The following ATP8B1 variants were observed in gnomAD, a reference collection of about 807,000 sequenced individuals.
ATP8B1 encodes the protein ATPase phospholipid transporting 8B1.
ATP8B1 carries 80 observed loss-of-function variants against 149.9 expected under a neutral mutation model. The ratio of observed to expected loss-of-function variants is 0.53; its 90% confidence interval spans 0.45 to 0.64. ATP8B1 has a LOEUF of 0.64. Among genes scored for constraint, ATP8B1 ranks in the 30% least tolerant of loss-of-function variants. The pLI, the probability that ATP8B1 is intolerant of heterozygous loss-of-function variation, is 0.00. For missense variants in ATP8B1, 1,247 were observed against 1,552.6 expected (o/e 0.80, Z 3.31); for synonymous variants, 536 against 562.8 (o/e 0.95, Z 0.67).
intron 1 of ATP8B1, among the ~76,000 whole-genome samples, chr18:57,780,003 C>G (rs2080343972): frequency 6.6e-6 from 1 of 151,968 alleles, no homozygotes; most frequent in African/African-American, 2.4e-5. Flanking sequence ...TTATAAATCA[C>G]CACGGCATAT....
chr18:57,715,625 G>T (rs1018206455), intron 2 of ATP8B1, among the ~76,000 whole-genome samples: 3 of 152,142 alleles, frequency 2.0e-5, no homozygotes, highest in Admixed American at 1.3e-4. Flanking sequence ...AGCAGCAAAA[G>T]AAAAGAAACA....
intron 2 of ATP8B1, among the ~76,000 whole-genome samples, chr18:57,730,293 G>T (rs2079748875): frequency 6.6e-6 from 1 of 152,188 alleles, no homozygotes. Flanking sequence ...AGGGCAGAAT[G>T]GCAGTAACAG....
chr18:57,745,423 C>T (rs897874204), intron 1 of ATP8B1, among the ~76,000 whole-genome samples: 66 of 152,064 alleles, frequency 4.3e-4, no homozygotes, highest in Non-Finnish European at 8.8e-5. Context: ...AGGCATGCAC[C>T]ACCATGCTCG....
chr18:57,734,144 C>T lies in ATP8B1; in HGVS notation c.-25-2312G>A, dbSNP rs368789910. 1.6e-4 allele frequency: 25 copies of T among 152,260 alleles called. No individual in the cohort carries two copies. In the East Asian group the frequency reaches 4.8e-3, roughly 29 times the overall value. The allele number at this position is 152,260 out of a possible 1,614,324, so 9.4% of individuals were successfully genotyped here. ...TAGAATACACCCAGTTATTCACACACACACTTGTTCATTTTCCAAAATTTC... is the reference window on the plus strand; with the variant it reads ...TAGAATACACCCAGTTATTCACACATACACTTGTTCATTTTCCAAAATTTC... On this transcript the variant is annotated intron_variant, in intron 1 of 27. Transcript: ENST00000648908.
At chr18:57,717,473 G>A (rs537483138) in intron 2 of ATP8B1, among the ~76,000 whole-genome samples, 8 of 126,984 alleles carry the variant, frequency 6.3e-5, no homozygotes, top group African/African-American at 8.8e-5. Flanking sequence ...GCATGAACCC[G>A]GGAGGCGGAG....
chr18:57,660,369 AATG>A (rs1910311861), intron 22 of ATP8B1, among the ~76,000 whole-genome samples: 2 of 152,336 alleles, frequency 1.3e-5, no homozygotes, highest in South Asian at 4.1e-4. Flanking sequence ...CAGGTGACCC[AATG>A]ATGAAGTTCC....
chr18:57,673,975 C>T (rs999324734), intron 16 of ATP8B1, among the ~76,000 whole-genome samples: 6 of 151,972 alleles, frequency 3.9e-5, no homozygotes, highest in African/African-American at 1.4e-4. Context: ...CAGAAGAGAG[C>T]ACTCAGAGGT....
chr18:57,774,793 G>A (rs2080293076), intron 1 of ATP8B1, among the ~76,000 whole-genome samples: 2 of 152,074 alleles, frequency 1.3e-5, no homozygotes. Flanking sequence ...GAGTCACCTG[G>A]ACAAAATAGT....
chr18:57,661,573 A>G (rs1338329847), intron 21 of ATP8B1, 111 bp from the exon 22 acceptor site: 4 of 1,149,452 alleles, frequency 3.5e-6, no homozygotes, highest in Non-Finnish European at 4.9e-6. Flanking sequence ...GTCACTGATT[A>G]TATTTGACAA....
Position 57,676,319 on chromosome 18 carries a change from G to A in ATP8B1, c.1631-1297C>T, listed in dbSNP as rs532708129. ...TGGGACTATAGGCGCACATCACCACGCCCAGCTAATGTTTGTATTTTTTGT... is the reference window on the plus strand; with the variant it reads ...TGGGACTATAGGCGCACATCACCACACCCAGCTAATGTTTGTATTTTTTGT... On this transcript the variant is annotated intron_variant, in intron 15 of 27. Transcript: ENST00000648908. Among the ~76,000 whole-genome samples, 10 of 151,096 alleles carry A rather than the reference G, an allele frequency of 6.6e-5. No homozygotes were observed. In the South Asian group the frequency reaches 1.7e-3, roughly 25 times the overall value.
At chr18:57,726,226 C>CAAACAA (rs77845076) in intron 2 of ATP8B1, among the ~76,000 whole-genome samples, 3,113 of 151,580 alleles carry the variant, frequency 0.021, 99 homozygotes, top group African/African-American at 0.07. Flanking sequence ...GACTCTGCCT[C>CAAACAA]AAACAAAAAC....
chr18:57,769,593 C>T (rs2080248153), intron 1 of ATP8B1, among the ~76,000 whole-genome samples: 1 of 152,170 alleles, frequency 6.6e-6, no homozygotes, highest in Admixed American at 6.5e-5. Context: ...AAAACACACA[C>T]ACTTCACTCT....
At chr18:57,768,328 A>G (rs1351912563) in intron 1 of ATP8B1, among the ~76,000 whole-genome samples, 2 of 140,870 alleles carry the variant, frequency 1.4e-5, no homozygotes, top group Admixed American at 7.7e-5. Flanking sequence ...CGGAGGTTGC[A>G]GTGAGCAAAG....
At chr18:57,781,356 G>A (rs147845496) in intron 1 of ATP8B1, among the ~76,000 whole-genome samples, 5 of 152,276 alleles carry the variant, frequency 3.3e-5, no homozygotes, top group South Asian at 2.1e-4. Flanking sequence ...AGACAGCTTT[G>A]TTGAGTTTTG....
At chr18:57,752,714 T>G (rs562045675) in intron 1 of ATP8B1, among the ~76,000 whole-genome samples, 1 of 152,338 alleles carries the variant, frequency 6.6e-6, no homozygotes, top group African/African-American at 2.4e-5. Context: ...ATAAAAACTT[T>G]TATAATTGCA....
chr18:57,678,008 A>G (rs1911704794), intron 15 of ATP8B1, among the ~76,000 whole-genome samples: 1 of 152,206 alleles, frequency 6.6e-6, no homozygotes, highest in African/African-American at 2.4e-5. Flanking sequence ...TTGCAGACTA[A>G]CAGAGATGGG....
intron 4 of ATP8B1, among the ~76,000 whole-genome samples, chr18:57,702,284 A>G (rs1913166747): frequency 6.6e-6 from 1 of 152,342 alleles, no homozygotes; most frequent in South Asian, 2.1e-4. Context: ...AAGTTATTTC[A>G]TAACCATCCT....
At chr18:57,718,466 T>C (rs2079606556) in intron 2 of ATP8B1, among the ~76,000 whole-genome samples, 1 of 152,072 alleles carries the variant, frequency 6.6e-6, no homozygotes. Flanking sequence ...CTCAATCTAT[T>C]CTAAAATAAA....
At chr18:57,682,155 C>A (rs1034202849) in intron 15 of ATP8B1, among the ~76,000 whole-genome samples, 2 of 152,054 alleles carry the variant, frequency 1.3e-5, no homozygotes, top group Non-Finnish European at 2.9e-5. Context: ...TAGGCACATG[C>A]CACCATGCTT....
Sources: allele counts gnomAD v4.1 joint callset (sites outside exome capture counted in the v4.1 genomes callset), GRCh38; gene constraint gnomAD v4.1.1; transcripts MANE v1.5; gene names NCBI Gene and HGNC (gene_info 2026-07-23, HGNC 2026-07-21).